The following FARP2 variants were observed in gnomAD, a reference collection of about 807,000 sequenced individuals.
The protein encoded by FARP2 is FERM, ARHGEF and pleckstrin domain-containing protein 2.
FARP2 carries 111 observed loss-of-function variants against 130.5 expected under a neutral mutation model. The ratio of observed to expected loss-of-function variants is 0.85; its 90% confidence interval spans 0.73 to 1.00. The LOEUF (loss-of-function observed/expected upper bound fraction) is 1.00. Ranked by LOEUF, FARP2 falls within the 50% of genes least tolerant of loss-of-function variation. The pLI, the probability that FARP2 is intolerant of heterozygous loss-of-function variation, is 0.00. For missense variants in FARP2, 1,385 were observed against 1,346.3 expected, an observed-to-expected ratio of 1.03 and a Z score of -0.45; for synonymous variants, 504 against 516.9, an observed-to-expected ratio of 0.98 and a Z score of 0.34.
At position 241,431,829 on chromosome 2, in the gene FARP2, TA is replaced by T. The variant is rs1196349358; in HGVS notation, c.867+56del. 6.6e-4 allele frequency: 428 copies of T among 650,196 alleles called. 1 individual carries two copies. Among genetic ancestry groups the T allele is most frequent in the Middle Eastern group, 1.5e-3 (3 of 1,980 alleles). The allele number at this position is 650,196 out of a possible 1,614,324, so 40.3% of individuals were successfully genotyped here. ...ATTTTATTTTATTTATTTATTTATT[TA>T]TTTTTTTGAGACGGAGTTTCGCTCT... On this transcript the variant is annotated intron_variant, in intron 9 of 26. Transcript: ENST00000264042.
rs2063233121 is a variant in FARP2 at position 241,436,490 on chromosome 2, C to G, written c.1110C>G (p.Ser370Arg). 2 of 1,614,092 alleles carry G rather than the reference C, an allele frequency of 1.2e-6. No homozygotes were observed. The highest frequency in any genetic ancestry group is 2.7e-5 in the African/African-American group (2 of 74,932). ...MKRIPYERRHSKTHTSVRALT... is the reference protein window; with the variant it reads ...MKRIPYERRHRKTHTSVRALT... ...GTCCTCTGTTTTGCAGAAGGCACAG[C>G]AAGACCCACACGTCCGTTCGAGCTC... The change falls in exon 12 of 27, where the codon AGC (serine) becomes AGG (arginine). Residue 370 changes from serine to arginine, a missense_variant. Physicochemically the swap from Ser to Arg is moderately radical, Grantham distance 110. Transcript: ENST00000264042.
In FARP2 at chr2:241,491,670, A is replaced by G. The variant is rs1438504200; in HGVS notation, c.2778A>G (p.Ala926=). 5 of 1,603,226 alleles carry G rather than the reference A, an allele frequency of 3.1e-6. No individual in the cohort carries two copies. The African/African-American group carries it at 6.7e-5, about 21-fold the overall frequency. ...NTSVSRADHS[A]AVENQLSGYL... ...GCGTGTCCAGGGCAGACCACAGTGC[A>G]GCTGTCGAGGTACGACCGCATGAGC... The change falls in exon 24 of 27, where the codon GCA becomes GCG. Residue 926 remains alanine, a synonymous_variant. Coordinates refer to ENST00000264042, the MANE Select transcript of FARP2 (RefSeq NM_014808.4).
chr2:241,434,961 G>C lies in FARP2; in HGVS notation c.1032-1G>C. On this transcript the variant is annotated splice_acceptor_variant, in intron 10 of 26. Transcript: ENST00000264042. LOFTEE classifies it high-confidence loss of function. ...TTAAAAATCTGAATCTTTATTCACA[G>C]TGGAAGAACTCAGAAACAACTAGTA... 1 of 1,549,618 alleles carries C rather than the reference G, an allele frequency of 6.5e-7. No individual in the cohort carries two copies. Among genetic ancestry groups the C allele is most frequent in the Non-Finnish European group, 8.9e-7 (1 of 1,128,474 alleles).
At chr2:241,426,809 T>C (rs2062950221) in intron 8 of FARP2, among the ~76,000 whole-genome samples, 1 of 152,248 alleles carries the variant, frequency 6.6e-6, no homozygotes, top group South Asian at 2.1e-4. Context: ...TCTTAAAGTC[T>C]GTCAAGTCAG....
chr2:241,462,775 C>T (rs1398256481), intron 15 of FARP2, among the ~76,000 whole-genome samples, 163 bp downstream of exon 15: 1 of 152,024 alleles, frequency 6.6e-6, no homozygotes, highest in South Asian at 2.1e-4. Context: ...CTGCAACCTC[C>T]GCCTTCTGGG....
At chr2:241,386,999 T>G (rs557018080) in intron 2 of FARP2, among the ~76,000 whole-genome samples, 1 of 152,256 alleles carries the variant, frequency 6.6e-6, no homozygotes, top group Non-Finnish European at 1.5e-5. Flanking sequence ...GGGATACCCA[T>G]GTCCTTCTTT....
At chr2:241,487,744 C>CTTTTTTTT (rs2064791123) in intron 21 of FARP2, among the ~76,000 whole-genome samples, 2 of 45,170 alleles carry the variant, frequency 4.4e-5, no homozygotes, top group African/African-American at 7.7e-5. Context: ...GCCTAGCCTA[C>CTTTTTTTT]TCTTTTTTTT....
rs2064770871 is a variant in FARP2, at chr2:241,487,064, T to C, written c.2421+2733T>C. ...GAATCACTCAGCGTGCTGGTCACTC[T>C]GGTCTCCATTGGTCTGTGAGTTTTT... On this transcript the variant is annotated intron_variant, in intron 21 of 26. Coordinates refer to ENST00000264042, the MANE Select transcript of FARP2 (RefSeq NM_014808.4). Among the ~76,000 whole-genome samples the C allele has an allele frequency of 2.0e-5, 3 of 152,260 alleles. No individual in the cohort carries two copies. The South Asian group carries it at 6.2e-4, about 32-fold the overall frequency.
intron 14 of FARP2, among the ~76,000 whole-genome samples, chr2:241,457,820 G>A (rs931924987): frequency 1.3e-5 from 2 of 152,134 alleles, no homozygotes; most frequent in African/African-American, 2.4e-5. Flanking sequence ...GAGGCTCTTG[G>A]GCGGGAGACC....
Position 241,494,758 on chromosome 2 carries a change from C to T in FARP2, c.*633C>T, listed in dbSNP as rs1289080044. The T allele has an allele frequency of 6.6e-6, 1 of 152,238 alleles. No individual in the cohort carries two copies. Among genetic ancestry groups the T allele is most frequent in the Non-Finnish European group, 1.5e-5 (1 of 68,058 alleles). 9.4% of individuals were successfully genotyped at this position (152,238 alleles called of 1,614,324 possible). On this transcript the variant is annotated 3_prime_UTR_variant, in exon 27 of 27. Transcript: ENST00000264042. This position sits in a 1 kb window ranked among gnomAD's most constrained non-coding sequence, Gnocchi z 4.9. ...TGGGGCCGTCTAATTTATTACTGCC[C>T]AGCATTCCTTCCAACGGGAAGTAGA...
Position 241,493,372 on chromosome 2 carries a change from A to C in FARP2, c.2975A>C (p.Asp992Ala). ...AGGGAGGCCGATGGCATACACAAAG[A>C]CTATGTTTTCAAGCTCCAGTTCAAA... is the stretch of plus-strand genomic sequence containing the variant. The part of the protein sequence containing the change: ...IPREADGIHK[D>A]YVFKLQFKSH... The change falls in exon 26 of 27, where the codon GAC (aspartate) becomes GCC (alanine). Residue 992 changes from aspartate (D) to alanine (A), a missense_variant. Coordinates refer to ENST00000264042, the MANE Select transcript of FARP2 (RefSeq NM_014808.4). The C allele has an allele frequency of 6.2e-7, 1 of 1,613,958 alleles. No individual in the cohort carries two copies. The highest frequency in any genetic ancestry group is 1.1e-5 in the South Asian group (1 of 91,086).
intron 1 of FARP2, among the ~76,000 whole-genome samples, chr2:241,372,075 A>G (rs979158019): frequency 6.7e-5 from 10 of 149,842 alleles, no homozygotes; most frequent in African/African-American, 2.2e-4. Flanking sequence ...AGTGCATTAA[A>G]TAAATAATGA....
chr2:241,429,931 C>G (rs906549180), intron 8 of FARP2, among the ~76,000 whole-genome samples: 1 of 152,140 alleles, frequency 6.6e-6, no homozygotes. Context: ...TCCTTTGTTA[C>G]TAAGTATTTT....
rs747373670 is a variant in FARP2, at chr2:241,484,332, G to A, written c.2421+1G>A. On this transcript the variant is annotated splice_donor_variant, in intron 21 of 26. Transcript: ENST00000264042. LOFTEE classifies it high-confidence loss of function. The stretch of plus-strand genomic sequence containing the variant: ...CCTCCTTCCCCTCCAAGGCATGCTG[G>A]TGAGTGGTCTTGCACCCTGCCTGGG... The A allele has an allele frequency of 5.6e-6, 9 of 1,613,598 alleles. No homozygotes were observed. Among genetic ancestry groups the A allele is most frequent in the Non-Finnish European group, 3.4e-6 (4 of 1,179,622 alleles).
At chr2:241,421,503 G>A (rs2062806401) in intron 8 of FARP2, among the ~76,000 whole-genome samples, 1 of 152,210 alleles carries the variant, frequency 6.6e-6, no homozygotes, top group South Asian at 2.1e-4. Flanking sequence ...TGCGGGGGCG[G>A]GGTGGCCACC....
At chr2:241,493,478 C>A in intron 26 of FARP2, 34 bp downstream of exon 26, 1 of 1,605,238 alleles carries the variant, frequency 6.2e-7, no homozygotes, top group South Asian at 1.1e-5. Context: ...GGTCAGCTGC[C>A]CATTTCGATG....
chr2:241,401,763 G>T (rs989339360), intron 2 of FARP2, among the ~76,000 whole-genome samples: 42 of 151,834 alleles, frequency 2.8e-4, no homozygotes, highest in African/African-American at 9.9e-4. Flanking sequence ...GTCCATTATG[G>T]ATATGTCATT....
chr2:241,402,831 C>A (rs2150346616), intron 2 of FARP2, among the ~76,000 whole-genome samples: 2 of 68,216 alleles, frequency 2.9e-5, no homozygotes, highest in East Asian at 4.7e-4. Flanking sequence ...CTACACCCAG[C>A]TAATTTATAT....
Position 241,373,291 on chromosome 2 carries a change from G to A in FARP2, c.183+1G>A. 1 of 1,408,684 alleles carries A rather than the reference G, an allele frequency of 7.1e-7. No individual in the cohort carries two copies. Among genetic ancestry groups the A allele is most frequent in the Non-Finnish European group, 9.4e-7 (1 of 1,067,012 alleles). 87.3% of individuals were successfully genotyped at this position (1,408,684 alleles called of 1,614,324 possible). A position where few individuals can be genotyped will look rare whatever the true frequency, so the allele number is the denominator to read the frequency against. On this transcript the variant is annotated splice_donor_variant, in intron 2 of 26. Transcript: ENST00000264042. LOFTEE classifies it high-confidence loss of function. Reference sequence around the variant, plus strand: ...CACCATGGAAATATTTGACATTGAGGTAAGAAGCATGATTTTTGGAGGCAT... The same window carrying A: ...CACCATGGAAATATTTGACATTGAGATAAGAAGCATGATTTTTGGAGGCAT...
Sources: allele counts gnomAD v4.1 joint callset (sites outside exome capture counted in the v4.1 genomes callset), GRCh38; gene constraint gnomAD v4.1.1; non-coding constraint Gnocchi (gnomAD v3.1); transcripts MANE v1.5; gene names NCBI Gene and HGNC (gene_info 2026-07-23, HGNC 2026-07-21).